SENP2: variants seen among roughly 807,000 people sequenced by gnomAD.
The protein encoded by SENP2 is SUMO specific peptidase 2.
In SENP2, 16 loss-of-function variants were observed where a neutral mutation model predicts 86.3. The ratio of observed to expected loss-of-function variants is 0.19; its 90% CI spans 0.13 to 0.28. The LOEUF (loss-of-function observed/expected upper bound fraction) is 0.28. Ranked by LOEUF, SENP2 falls within the 10% of genes least tolerant of loss-of-function variation. The pLI, the probability that SENP2 is intolerant of heterozygous loss-of-function variation, is 1.00. For synonymous variants in SENP2, 222 were observed against 238.7 expected (o/e 0.93, Z 0.64); for missense variants, 552 against 703.0 (o/e 0.79, Z 2.43).
intron 1 of SENP2, among the ~76,000 whole-genome samples, chr3:185,589,849 C>T (rs984765069): frequency 3.3e-5 from 5 of 151,860 alleles, no homozygotes; most frequent in Admixed American, 6.6e-5. Context: ...ATTTTTTTAT[C>T]GTAGAGATGA....
intron 2 of SENP2, among the ~76,000 whole-genome samples, chr3:185,594,637 T>G (rs915006007): frequency 6.7e-5 from 9 of 133,540 alleles, no homozygotes; most frequent in African/African-American, 1.1e-4. Flanking sequence ...TTTTTTTTTT[T>G]GGGACAGAGT....
At chr3:185,611,188 A>G (rs1722676417) in intron 7 of SENP2, among the ~76,000 whole-genome samples, 1 of 152,124 alleles carries the variant, frequency 6.6e-6, no homozygotes, top group Admixed American at 6.6e-5. Context: ...AGGCAGGAGA[A>G]CCACTTGAAC....
chr3:185,603,308 A>T (rs1722407844), intron 5 of SENP2, among the ~76,000 whole-genome samples: 1 of 152,218 alleles, frequency 6.6e-6, no homozygotes, highest in Non-Finnish European at 1.5e-5. Context: ...CAGCAGTTGG[A>T]CAAACTGACA....
At chr3:185,593,839 C>T (rs1348108349) in intron 2 of SENP2, among the ~76,000 whole-genome samples, 2 of 151,752 alleles carry the variant, frequency 1.3e-5, no homozygotes, top group East Asian at 3.9e-4. Context: ...AGTGATTCTC[C>T]TGCCTCAGCC....
chr3:185,589,734 A>ACCTGGGCTCACTGCAGCCTTACTT (rs1721914994), intron 1 of SENP2, among the ~76,000 whole-genome samples: 1 of 152,148 alleles, frequency 6.6e-6, no homozygotes, highest in African/African-American at 2.4e-5. Context: ...CAGTGGCATG[A>ACCTGGGCTCACTGCAGCCTTACTT]CCTGGGCTCA....
intron 4 of SENP2, among the ~76,000 whole-genome samples, 170 bp from the exon 5 acceptor site, chr3:185,600,595 T>A (rs930105115): frequency 6.6e-6 from 1 of 152,236 alleles, no homozygotes; most frequent in African/African-American, 2.4e-5. Context: ...TGCTTTCCTT[T>A]AACGTCTACA....
At chr3:185,602,252 A>C (rs184363733) in intron 5 of SENP2, among the ~76,000 whole-genome samples, 8 of 152,290 alleles carry the variant, frequency 5.3e-5, no homozygotes, top group Admixed American at 5.2e-4. Flanking sequence ...TGAGAAACTA[A>C]AAACTAGCGC....
At position 185,586,980 on chromosome 3, in the gene SENP2, A is replaced by G. The variant is rs1721804456; in HGVS notation, c.101+466A>G. On this transcript the variant is annotated intron_variant, in intron 1 of 16. Transcript: ENST00000296257. This position sits in a 1 kb window ranked among gnomAD's most constrained non-coding sequence, Gnocchi z 4.3. ...TTTTGTTCCAAAACAGCTGTCAAAC[A>G]GTCTGTGTGTTTGGGGCCAGAAGGG... Among the ~76,000 whole-genome samples, 1 of 152,196 alleles carries G rather than the reference A, an allele frequency of 6.6e-6. No homozygotes were observed. Among genetic ancestry groups the G allele is most frequent in the African/African-American group, 2.4e-5 (1 of 41,460 alleles).
intron 16 of SENP2, among the ~76,000 whole-genome samples, chr3:185,627,522 C>T (rs1425654824): frequency 1.3e-5 from 2 of 152,194 alleles, no homozygotes; most frequent in African/African-American, 2.4e-5. Flanking sequence ...AAGCAATACT[C>T]CTGCCTCAGC....
chr3:185,613,848 A>AG (rs1711505675), intron 10 of SENP2, among the ~76,000 whole-genome samples: 1 of 150,854 alleles, frequency 6.6e-6, no homozygotes. Flanking sequence ...AAAAAAAAAA[A>AG]GGCAGGAAGC....
intron 2 of SENP2, among the ~76,000 whole-genome samples, chr3:185,594,517 A>G (rs1486544952): frequency 2.6e-5 from 4 of 152,154 alleles, no homozygotes; most frequent in Non-Finnish European, 5.9e-5. Context: ...GCTACTAGCT[A>G]CTGTGTTGGA....
chr3:185,605,314 T>G (rs1186461912), intron 5 of SENP2, among the ~76,000 whole-genome samples: 2 of 151,072 alleles, frequency 1.3e-5, no homozygotes, highest in African/African-American at 4.9e-5. Flanking sequence ...GAGGTTGCAG[T>G]GAGCCGAGAT....
rs74664153 is a variant in SENP2, at chr3:185,599,496, A to G, written c.358+472A>G. 2.7e-3 allele frequency among the ~76,000 whole-genome samples: 409 copies of G among 152,250 alleles called. 1 individual carries two copies. The highest frequency in any genetic ancestry group is 9.4e-3 in the African/African-American group (389 of 41,550). On this transcript the variant is annotated intron_variant, in intron 4 of 16. Transcript: ENST00000296257. ...TGAAGTGGAATTGTCATTATTATAT[A>G]TATGCACTATACAAAATGCTATGGT... is the stretch of plus-strand genomic sequence containing the variant.
In SENP2 at chr3:185,625,623, A is replaced by C. The variant is rs73058823; in HGVS notation, c.1612-675A>C. On this transcript the variant is annotated intron_variant, in intron 15 of 16. Transcript: ENST00000296257. Reference sequence around the variant, plus strand: ...ACCACCTTTGGCTTATTATGCTCTTAGTGCTGCTTGTACCAAGTGTTTTTG... The same window carrying C: ...ACCACCTTTGGCTTATTATGCTCTTCGTGCTGCTTGTACCAAGTGTTTTTG... 1.5e-3 allele frequency among the ~76,000 whole-genome samples: 225 copies of C among 152,204 alleles called. No homozygotes were observed. The Middle Eastern group carries it at 0.017, about 12-fold the overall frequency.
chr3:185,594,577 G>A (rs921493442), intron 2 of SENP2, among the ~76,000 whole-genome samples: 2 of 151,664 alleles, frequency 1.3e-5, no homozygotes, highest in African/African-American at 4.8e-5. Context: ...CAAAGCAAGG[G>A]TAAAAGAAAA....
chr3:185,627,962 G>T (rs1310688442), intron 16 of SENP2, among the ~76,000 whole-genome samples: 1 of 152,122 alleles, frequency 6.6e-6, no homozygotes, highest in Non-Finnish European at 1.5e-5. Flanking sequence ...CTCCCGTGCT[G>T]AATTAATATA....
intron 2 of SENP2, among the ~76,000 whole-genome samples, chr3:185,596,250 C>T (rs753679468): frequency 8.5e-5 from 13 of 152,250 alleles, no homozygotes; most frequent in Non-Finnish European, 1.9e-4. Flanking sequence ...AGGCTTGAGC[C>T]ACCGTGCCCA....
chr3:185,611,430 C>T, intron 7 of SENP2: 1 of 383,018 alleles, frequency 2.6e-6, no homozygotes. Context: ...ATTTTACAAA[C>T]AGAGAAACTG....
intron 2 of SENP2, among the ~76,000 whole-genome samples, chr3:185,592,382 A>G (rs1722037315): frequency 6.6e-6 from 1 of 152,106 alleles, no homozygotes; most frequent in Non-Finnish European, 1.5e-5. Context: ...ATCTGAATGG[A>G]TAAAGAAAAT....
Sources: allele counts gnomAD v4.1 joint callset (sites outside exome capture counted in the v4.1 genomes callset), GRCh38; gene constraint gnomAD v4.1.1; non-coding constraint Gnocchi (gnomAD v3.1); transcripts MANE v1.5; gene names NCBI Gene and HGNC (gene_info 2026-07-23, HGNC 2026-07-21).